CIP2A: variants seen among roughly 807,000 people sequenced by gnomAD.
CIP2A encodes the protein protein CIP2A.
In CIP2A, 103 loss-of-function variants were observed where a neutral mutation model predicts 110.9. The observed-to-expected ratio is 0.93, with a 90% CI of 0.79 to 1.09. The LOEUF (loss-of-function observed/expected upper bound fraction) is 1.09, where lower values mean the gene tolerates loss of function less well. CIP2A is among the 50% of genes least tolerant of loss of function. The pLI, the probability that CIP2A is intolerant of heterozygous loss-of-function variation, is 0.00. For missense variants in CIP2A, 1,088 were observed against 1,038.4 expected (o/e 1.05, Z -0.66); for synonymous variants, 381 against 361.6 (o/e 1.05, Z -0.61).
At chr3:108,559,621 C>A in intron 16 of CIP2A, 136 bp downstream of exon 16, 1 of 467,512 alleles carries the variant, frequency 2.1e-6, no homozygotes, top group East Asian at 3.3e-5. Context: ...GACAGAATTT[C>A]AGGAAGAAGG....
At chr3:108,561,565 G>A (rs535511754) in intron 13 of CIP2A, among the ~76,000 whole-genome samples, 27 of 151,974 alleles carry the variant, frequency 1.8e-4, no homozygotes, top group Non-Finnish European at 3.4e-4. Flanking sequence ...GCTACTCAGG[G>A]GGTTGAGTTG....
rs530579499 is a variant in CIP2A at position 108,583,446 on chromosome 3, C to T, written c.251-363G>A. ...AGAATGCATGCCATTTGCAGCAACA[C>T]GGATGGAACTGAAGGCCATTAGGTT... On this transcript the variant is annotated intron_variant, in intron 2 of 20. Coordinates refer to ENST00000295746, the MANE Select transcript of CIP2A (RefSeq NM_020890.3). Among the ~76,000 whole-genome samples the T allele has an allele frequency of 1.5e-4, 23 of 152,246 alleles. 1 individual carries two copies. The highest frequency in any genetic ancestry group is 1.0e-3 in the South Asian group (5 of 4,818).
chr3:108,566,439 C>A, intron 11 of CIP2A, 58 bp downstream of exon 11: 1 of 1,378,548 alleles, frequency 7.3e-7, no homozygotes. Flanking sequence ...ATGAGAATCA[C>A]CACATCTTTC....
In CIP2A at chr3:108,551,169, T is replaced by C. The variant is rs1010681349; in HGVS notation, c.2698A>G (p.Thr900Ala). 1.3e-6 allele frequency: 2 copies of C among 1,585,928 alleles called. No homozygotes were observed. Among genetic ancestry groups the C allele is most frequent in the African/African-American group, 2.7e-5 (2 of 73,304 alleles). ...AATGTCTATATACTGAGATTCACAG[T>C]TTCTGGATTTATTTTTCCACCACTT... ...SLSGGKINPE[T>A]VNLSI Residue 900 changes from threonine to alanine, a missense_variant, in exon 21 of 21, where the codon ACT becomes GCT. By Grantham distance (58) the Thr-to-Ala change is moderately conservative (BLOSUM62 0). Coordinates refer to ENST00000295746, the MANE Select transcript of CIP2A (RefSeq NM_020890.3).
Position 108,553,720 on chromosome 3 carries a change from G to A in CIP2A, c.2335C>T (p.Gln779Ter). The A allele has an allele frequency of 6.8e-7, 1 of 1,465,856 alleles. No individual in the cohort carries two copies. Among genetic ancestry groups the A allele is most frequent in the Non-Finnish European group, 9.5e-7 (1 of 1,050,146 alleles). The allele number at this position is 1,465,856 out of a possible 1,614,324, so 90.8% of individuals were successfully genotyped here. Residue 779 changes from glutamine to a stop codon, truncating the protein, a stop_gained, in exon 19 of 21, where the codon CAA becomes TAA. Coordinates refer to ENST00000295746, the MANE Select transcript of CIP2A (RefSeq NM_020890.3). LOFTEE classifies it high-confidence loss of function. Reference protein sequence around the residue: ...LKEQNEKSIAQLIEKEEQRKE... With the variant: ...LKEQNEKSIA ...CTCTGTTCTTCTTTCTCTATTAATT[G>A]GGCAATACTTCTGAAGTTATTAAAA...
chr3:108,565,753 T>C (rs1474921374), intron 11 of CIP2A, among the ~76,000 whole-genome samples: 1 of 151,800 alleles, frequency 6.6e-6, no homozygotes, highest in Non-Finnish European at 1.5e-5. Flanking sequence ...ATTTAATTCT[T>C]AGCTTTGTCA....
intron 4 of CIP2A, 60 bp from the exon 5 acceptor site, chr3:108,581,571 A>C: frequency 1.0e-6 from 1 of 983,550 alleles, no homozygotes; most frequent in South Asian, 1.4e-5. Context: ...AAAAGCATTA[A>C]CATTATTCTA....
chr3:108,589,162 A>G, intron 1 of CIP2A, 112 bp downstream of exon 1: 1 of 746,284 alleles, frequency 1.3e-6, no homozygotes. Flanking sequence ...CAACAGAGGG[A>G]TCGAAGGACT....
intron 5 of CIP2A, among the ~76,000 whole-genome samples, chr3:108,580,073 T>C (rs1356801325): frequency 6.6e-6 from 1 of 152,222 alleles, no homozygotes; most frequent in East Asian, 1.9e-4. Context: ...AGGATTTGTG[T>C]TAACAAAAGA....
chr3:108,563,201 T>G lies in CIP2A; in HGVS notation c.1559A>C (p.Asp520Ala). ...TCCAGACTGTACTTGTTCTCTATTATCTGACGTTAAAGCAAAAGCCAAAGG... is the reference window on the plus strand; with the variant it reads ...TCCAGACTGTACTTGTTCTCTATTAGCTGACGTTAAAGCAAAAGCCAAAGG... Reference protein sequence around the residue: ...ITPLAFALTSDNREQVQSGLR... With the variant: ...ITPLAFALTSANREQVQSGLR... Residue 520 changes from aspartate to alanine, a missense_variant, in exon 13 of 21, where the codon GAT becomes GCT. Transcript: ENST00000295746. 6.2e-7 allele frequency: 1 copy of G among 1,612,836 alleles called. No homozygotes were observed. Among genetic ancestry groups the G allele is most frequent in the Non-Finnish European group, 8.5e-7 (1 of 1,179,106 alleles).
At chr3:108,572,994 C>G (rs562786233) in intron 8 of CIP2A, among the ~76,000 whole-genome samples, 3 of 151,996 alleles carry the variant, frequency 2.0e-5, no homozygotes, top group Non-Finnish European at 2.9e-5. Context: ...TCCTAGTGTG[C>G]TAATCTTTAT....
At position 108,559,714 on chromosome 3, in the gene CIP2A, T is replaced by C. The variant is rs1193023773; in HGVS notation, c.2013+43A>G. The C allele has an allele frequency of 6.0e-6, 7 of 1,170,388 alleles. No individual in the cohort carries two copies. The Admixed American group carries it at 7.3e-5, about 12-fold the overall frequency. 72.5% of individuals were successfully genotyped at this position (1,170,388 alleles called of 1,614,324 possible). On this transcript the variant is annotated intron_variant, in intron 16 of 20. Coordinates refer to ENST00000295746, the MANE Select transcript of CIP2A (RefSeq NM_020890.3). The stretch of plus-strand genomic sequence containing the variant: ...ACTAATATTTTGCATGTTTTACTTA[T>C]TAATTTTTCTACAAATCAGATGTGT...
Position 108,569,420 on chromosome 3 carries a change from A to G in CIP2A, c.1082T>C (p.Leu361Ser), listed in dbSNP as rs762725669. ...TATTTCCTTGAACAACTCCAATGCT[A>G]AAACAGAACAGTTTTCTGATCCGTC... Reference protein sequence around the residue: ...PLDGSENCSVLALELFKEIFE... With the variant: ...PLDGSENCSVSALELFKEIFE... The change falls in exon 9 of 21, where the codon TTA becomes TCA. Residue 361 changes from leucine to serine, a missense_variant. Physicochemically the swap from Leu to Ser is moderately radical, Grantham distance 145. Coordinates refer to ENST00000295746, the MANE Select transcript of CIP2A (RefSeq NM_020890.3). The G allele has an allele frequency of 1.6e-5, 26 of 1,612,202 alleles. No homozygotes were observed. Among genetic ancestry groups the G allele is most frequent in the Non-Finnish European group, 2.2e-5 (26 of 1,179,012 alleles).
chr3:108,571,797 A>C (rs1938409617), intron 8 of CIP2A, among the ~76,000 whole-genome samples: 1 of 152,134 alleles, frequency 6.6e-6, no homozygotes, highest in African/African-American at 2.4e-5. Flanking sequence ...TCTGGGTCGT[A>C]GTTTATACAT....
intron 13 of CIP2A, among the ~76,000 whole-genome samples, chr3:108,562,433 G>C (rs1938037057): frequency 6.6e-6 from 1 of 151,988 alleles, no homozygotes; most frequent in Non-Finnish European, 1.5e-5. Flanking sequence ...GGTATACAGG[G>C]AATATCTTAC....
chr3:108,577,016 T>G (rs1487225407), intron 7 of CIP2A, among the ~76,000 whole-genome samples: 3 of 152,154 alleles, frequency 2.0e-5, no homozygotes, highest in Non-Finnish European at 4.4e-5. Flanking sequence ...AAACCCAGAC[T>G]CGAGTCTTAA....
chr3:108,551,797 G>T (rs977643897), intron 20 of CIP2A, among the ~76,000 whole-genome samples: 1 of 152,046 alleles, frequency 6.6e-6, no homozygotes. Context: ...TGGTAATATA[G>T]AAAGAACCCC....
At chr3:108,577,505 A>G (rs1375979024) in intron 7 of CIP2A, among the ~76,000 whole-genome samples, 2 of 152,158 alleles carry the variant, frequency 1.3e-5, no homozygotes, top group Non-Finnish European at 2.9e-5. Flanking sequence ...CAAGGATTTC[A>G]GGGAGCTCCA....
chr3:108,586,000 A>G (rs1022253372), intron 1 of CIP2A, among the ~76,000 whole-genome samples: 3 of 152,162 alleles, frequency 2.0e-5, no homozygotes, highest in Admixed American at 2.0e-4. Flanking sequence ...AATTTTCAAC[A>G]TACTTTATGG....
Sources: allele counts gnomAD v4.1 joint callset (sites outside exome capture counted in the v4.1 genomes callset), GRCh38; gene constraint gnomAD v4.1.1; transcripts MANE v1.5; gene names NCBI Gene and HGNC (gene_info 2026-07-23, HGNC 2026-07-21).